The following RAD51C variants were observed in gnomAD, a reference collection of about 807,000 sequenced individuals.
RAD51C encodes DNA repair protein RAD51 homolog 3.
RAD51C carries 42 observed loss-of-function variants against 45.0 expected under a neutral mutation model. The observed-to-expected ratio is 0.93, with a 90% CI of 0.73 to 1.21. The LOEUF (loss-of-function observed/expected upper bound fraction) is 1.21, where lower values mean the gene tolerates loss of function less well. RAD51C is among the 50% of genes most tolerant of loss of function. The probability of loss-of-function intolerance (pLI) is 0.00; values close to 1 mark genes in which losing one functional copy is unlikely to be tolerated. For missense variants in RAD51C, 474 were observed against 452.2 expected, an observed-to-expected ratio of 1.05 and a Z score of -0.44; for synonymous variants, 172 against 159.8, an observed-to-expected ratio of 1.08 and a Z score of -0.58.
chr17:58,729,236 A>G (rs2049301293), intron 7 of RAD51C, among the ~76,000 whole-genome samples: 1 of 152,068 alleles, frequency 6.6e-6, no homozygotes, highest in African/African-American at 2.4e-5. Context: ...TTTGTTTTTG[A>G]GATGGAGTTT....
chr17:58,700,448 TA>T (rs1408299811), intron 3 of RAD51C, among the ~76,000 whole-genome samples: 2 of 151,980 alleles, frequency 1.3e-5, no homozygotes, highest in African/African-American at 4.8e-5. Context: ...TTTAATTAAT[TA>T]ATTTATTTTT....
chr17:58,696,157 G>A (rs2047997572), intron 2 of RAD51C, among the ~76,000 whole-genome samples: 2 of 152,222 alleles, frequency 1.3e-5, no homozygotes, highest in Non-Finnish European at 1.5e-5. Context: ...AATTGGCTGG[G>A]CGCAGTGGCT....
chr17:58,697,738 GT>G (rs1057485044), intron 3 of RAD51C, among the ~76,000 whole-genome samples: 1 of 150,750 alleles, frequency 6.6e-6, no homozygotes, highest in Non-Finnish European at 1.5e-5. Flanking sequence ...TTGAGACAAA[GT>G]TTCGCTTTTG....
chr17:58,706,677 G>A, intron 4 of RAD51C: 1 of 241,536 alleles, frequency 4.1e-6, no homozygotes, highest in Non-Finnish European at 9.5e-6. Flanking sequence ...TGAGGAATAG[G>A]GCACATTCAC....
intron 8 of RAD51C, among the ~76,000 whole-genome samples, chr17:58,733,311 C>T (rs543674494): frequency 5.9e-5 from 9 of 152,146 alleles, no homozygotes; most frequent in East Asian, 1.9e-4. Context: ...CCACCGAGCC[C>T]GGCTTTATCT....
intron 7 of RAD51C, among the ~76,000 whole-genome samples, chr17:58,729,781 AG>A (rs1340961667): frequency 6.6e-6 from 1 of 151,556 alleles, no homozygotes; most frequent in African/African-American, 2.4e-5. Flanking sequence ...CATTTTGACC[AG>A]GCTGGTCTCG....
intron 7 of RAD51C, among the ~76,000 whole-genome samples, chr17:58,725,998 CAAA>C (rs1329097091): frequency 8.2e-5 from 4 of 48,560 alleles, no homozygotes; most frequent in Admixed American, 2.3e-4. Context: ...CCACCCCCTG[CAAA>C]AAAAAAAAAA....
chr17:58,719,743 T>C (rs1487289520), intron 5 of RAD51C, among the ~76,000 whole-genome samples: 1 of 151,036 alleles, frequency 6.6e-6, no homozygotes, highest in Non-Finnish European at 1.5e-5. Context: ...TTTTTTTTTT[T>C]TTTGAGATGG....
rs528367135 is a variant in RAD51C, at chr17:58,720,736, G to A, written c.838-10G>A. On this transcript the variant is annotated splice_polypyrimidine_tract_variant and intron_variant, in intron 5 of 8. Coordinates refer to ENST00000337432, the MANE Select transcript of RAD51C (RefSeq NM_058216.3). ...GACTCACCTAATTTTCTTACATTTT[G>A]TTTTTGTAGGTAATTTTAACCAATC... is the stretch of plus-strand genomic sequence containing the variant. The A allele has an allele frequency of 6.2e-7, 1 of 1,602,850 alleles. No homozygotes were observed. Among genetic ancestry groups the A allele is most frequent in the East Asian group, 2.2e-5 (1 of 44,724 alleles).
At position 58,709,908 on chromosome 17, in the gene RAD51C, T is replaced by C; in HGVS notation, c.755T>C (p.Leu252Pro). The C allele has an allele frequency of 6.2e-7, 1 of 1,611,062 alleles. No homozygotes were observed. The highest frequency in any genetic ancestry group is 8.5e-7 in the Non-Finnish European group (1 of 1,177,270). ...DGIAFPFRHD[L>P]DDLSLRTRLL... ...ATTGCTTTTCCATTTCGTCATGACCTAGATGACCTGTCTCTTCGTACTCGG... is the reference window on the plus strand; with the variant it reads ...ATTGCTTTTCCATTTCGTCATGACCCAGATGACCTGTCTCTTCGTACTCGG... Residue 252 changes from leucine (L) to proline (P), a missense_variant, in exon 5 of 9, where the codon CTA (leucine) becomes CCA (proline). Leu to Pro is a moderately conservative substitution (Grantham distance 98). Coordinates refer to ENST00000337432, the MANE Select transcript of RAD51C (RefSeq NM_058216.3).
At chr17:58,708,013 C>T (rs757555145) in intron 4 of RAD51C, among the ~76,000 whole-genome samples, 2 of 152,166 alleles carry the variant, frequency 1.3e-5, no homozygotes, top group Admixed American at 6.6e-5. Context: ...GAGGCCCTCT[C>T]TCCAAATACA....
At chr17:58,712,091 G>A (rs2048574676) in intron 5 of RAD51C, among the ~76,000 whole-genome samples, 1 of 151,800 alleles carries the variant, frequency 6.6e-6, no homozygotes, top group Admixed American at 6.6e-5. Context: ...GCTCACATCT[G>A]TAATGCCAGC....
At chr17:58,711,924 A>C (rs1456292292) in intron 5 of RAD51C, among the ~76,000 whole-genome samples, 1 of 152,052 alleles carries the variant, frequency 6.6e-6, no homozygotes, top group Non-Finnish European at 1.5e-5. Flanking sequence ...TTAAGGCCAG[A>C]TGTGGTAACT....
At chr17:58,731,281 G>A (rs1315487502) in intron 7 of RAD51C, among the ~76,000 whole-genome samples, 1 of 129,216 alleles carries the variant, frequency 7.7e-6, no homozygotes, top group African/African-American at 2.8e-5. Context: ...TTTTTGAGAT[G>A]GAGTTTCACT....
At chr17:58,732,791 G>C in intron 8 of RAD51C, 1 of 430,760 alleles carries the variant, frequency 2.3e-6, no homozygotes, top group Non-Finnish European at 4.2e-6. Context: ...CATGCCATAT[G>C]TAATGTCAGG....
intron 3 of RAD51C, chr17:58,700,342 G>A (rs2048170239): frequency 6.6e-6 from 1 of 152,126 alleles, no homozygotes; most frequent in African/African-American, 2.4e-5. Flanking sequence ...ATACCTTAAA[G>A]CTACCTATTT....
At position 58,734,588 on chromosome 17, in the gene RAD51C, G is replaced by GTTT. The variant is rs34517797; in HGVS notation, c.*387_*389dup. 233 of 102,398 alleles carry GTTT rather than the reference G, an allele frequency of 2.3e-3. No individual in the cohort carries two copies. Among genetic ancestry groups the GTTT allele is most frequent in the South Asian group, 4.9e-3 (25 of 5,108 alleles). 6.3% of individuals were successfully genotyped at this position (102,398 alleles called of 1,614,324 possible). On this transcript the variant is annotated 3_prime_UTR_variant, in exon 9 of 9. Transcript: ENST00000337432. Reference sequence around the variant, plus strand: ...AAGAAACATATCATATTCTTATTGTGTTTTTTTTTTTTTTTTTTTTTTTGG... The same window carrying GTTT: ...AAGAAACATATCATATTCTTATTGTGTTTTTTTTTTTTTTTTTTTTTTTTTTGG...
intron 5 of RAD51C, among the ~76,000 whole-genome samples, chr17:58,718,031 C>T (rs1033254060): frequency 6.6e-5 from 10 of 152,034 alleles, no homozygotes; most frequent in Admixed American, 1.3e-4. Context: ...AGTCTTGCTC[C>T]TGTTGCCCAG....
chr17:58,728,891 T>A (rs2049282702), intron 7 of RAD51C, among the ~76,000 whole-genome samples: 3 of 152,204 alleles, frequency 2.0e-5, no homozygotes, highest in Admixed American at 2.0e-4. Flanking sequence ...TTCCTCCAAT[T>A]TGCATATTCA....
Sources: allele counts gnomAD v4.1 joint callset (sites outside exome capture counted in the v4.1 genomes callset), GRCh38; gene constraint gnomAD v4.1.1; transcripts MANE v1.5; gene names NCBI Gene and HGNC (gene_info 2026-07-23, HGNC 2026-07-21).